Variants in TSHZ3 observed in about 807,000 individuals in gnomAD.
TSHZ3 encodes the protein teashirt homolog 3.
Under a neutral mutation model 64.5 loss-of-function variants are expected in TSHZ3, and 10 were observed. That is an observed-to-expected ratio of 0.16 (90% CI 0.10 to 0.26). The LOEUF (loss-of-function observed/expected upper bound fraction) is 0.26, where lower values mean the gene tolerates loss of function less well. TSHZ3 is among the 10% of genes least tolerant of loss of function. The pLI is 1.00. For missense variants in TSHZ3, 1,242 were observed against 1,421.7 expected (o/e 0.87, Z 2.03); for synonymous variants, 608 against 593.1 (o/e 1.03, Z -0.36).
intron 3 of TSHZ3, among the ~76,000 whole-genome samples, chr19:31,232,178 G>C (rs887380149): frequency 6.6e-6 from 1 of 152,110 alleles, no homozygotes; most frequent in African/African-American, 2.4e-5. Context: ...GAATGTGGTG[G>C]GTTCTCTCCA....
At chr19:31,308,921 G>A (rs879565325) in intron 1 of TSHZ3, among the ~76,000 whole-genome samples, 18 of 152,202 alleles carry the variant, frequency 1.2e-4, no homozygotes, top group Non-Finnish European at 2.2e-4. Context: ...CAGATTCCAC[G>A]CCGCCTAACT....
chr19:31,312,675 G>C (rs892031932), intron 1 of TSHZ3, among the ~76,000 whole-genome samples: 1 of 152,148 alleles, frequency 6.6e-6, no homozygotes, highest in Non-Finnish European at 1.5e-5. Flanking sequence ...GAGTTCCACC[G>C]GTGGTACAAG....
At chr19:31,225,610 C>G (rs1975448969) in intron 4 of TSHZ3, among the ~76,000 whole-genome samples, 1 of 152,186 alleles carries the variant, frequency 6.6e-6, no homozygotes, top group Non-Finnish European at 1.5e-5. Context: ...ATCTGCACCT[C>G]CCCATCCTCC....
chr19:31,273,442 G>A (rs1423858908), downstream of TSHZ3, among the ~76,000 whole-genome samples: 1 of 152,172 alleles, frequency 6.6e-6, no homozygotes, highest in African/African-American at 2.4e-5. Context: ...GGGGTGAGGA[G>A]ATGGGCAAAG....
At chr19:31,314,186 G>A (rs983054914) in intron 1 of TSHZ3, among the ~76,000 whole-genome samples, 5 of 152,172 alleles carry the variant, frequency 3.3e-5, no homozygotes, top group Non-Finnish European at 5.9e-5. Context: ...CGGCTTCTAA[G>A]GCCAGGACTA....
intron 1 of TSHZ3, among the ~76,000 whole-genome samples, chr19:31,243,278 A>G (rs1975719866): frequency 6.6e-6 from 1 of 152,130 alleles, no homozygotes; most frequent in African/African-American, 2.4e-5. Flanking sequence ...ACAACCCCAA[A>G]TTCCTTAGTC....
chr19:31,212,265 G>A (rs1975266900), intron 4 of TSHZ3, among the ~76,000 whole-genome samples: 2 of 151,968 alleles, frequency 1.3e-5, no homozygotes, highest in South Asian at 4.1e-4. Context: ...AGACCAGTCT[G>A]GCCAATATGG....
chr19:31,348,832 G>T (rs1030118167), intron 1 of TSHZ3: 2 of 267,042 alleles, frequency 7.5e-6, no homozygotes, highest in African/African-American at 4.4e-5. Context: ...ATGTCCCGGG[G>T]AACTCAGGTG....
intron 5 of TSHZ3, among the ~76,000 whole-genome samples, chr19:31,199,076 T>C (rs2145147498): frequency 6.6e-6 from 1 of 152,000 alleles, no homozygotes; most frequent in South Asian, 2.1e-4. Context: ...GACAAGGCAG[T>C]GGAACAGAAT....
chr19:31,182,686 A>T (rs1436956108), intron 5 of TSHZ3, among the ~76,000 whole-genome samples: 2 of 152,190 alleles, frequency 1.3e-5, no homozygotes, highest in Non-Finnish European at 2.9e-5. Flanking sequence ...TCCTTTGCAG[A>T]TAGAAGTGTA....
intron 5 of TSHZ3, among the ~76,000 whole-genome samples, chr19:31,197,449 A>G (rs1293729839): frequency 6.6e-6 from 1 of 151,778 alleles, no homozygotes; most frequent in African/African-American, 2.4e-5. Flanking sequence ...GAGAAGAAAA[A>G]AATGAAAATT....
exon 7 of TSHZ3, among the ~76,000 whole-genome samples, chr19:31,151,525 T>C (rs1285261237): frequency 6.6e-6 from 1 of 152,156 alleles, no homozygotes; most frequent in Admixed American, 6.6e-5. Flanking sequence ...ATAGGATGGT[T>C]GAGGGAGGAG....
Position 31,278,222 on chromosome 19 carries a change from T to C in TSHZ3, c.1571A>G (p.Lys524Arg), listed in dbSNP as rs762644590. Residue 524 changes from lysine (K) to arginine (R), a missense_variant, in exon 2 of 2, where the codon AAA (lysine) becomes AGA (arginine). Transcript: ENST00000240587. This position sits in a 1 kb window ranked among gnomAD's most constrained non-coding sequence, Gnocchi z 4.7. ...ESPKGGLDIL[K>R]SLENTVTSAI... is the part of the protein sequence containing the mutation. Reference sequence around the variant, plus strand: ...GGATGTCACTGTGTTTTCCAAGGATTTGAGGATATCAAGCCCCCCCTTGGG... The same window carrying C: ...GGATGTCACTGTGTTTTCCAAGGATCTGAGGATATCAAGCCCCCCCTTGGG... The C allele has an allele frequency of 3.1e-6, 5 of 1,614,152 alleles. No individual in the cohort carries two copies. The highest frequency in any genetic ancestry group is 1.1e-5 in the South Asian group (1 of 91,080).
intron 4 of TSHZ3, among the ~76,000 whole-genome samples, chr19:31,227,093 C>T (rs1975476924): frequency 6.7e-6 from 1 of 149,602 alleles, no homozygotes; most frequent in Non-Finnish European, 1.5e-5. Flanking sequence ...ATTCTTGTGC[C>T]TCAGCCTCTC....
intron 1 of TSHZ3, among the ~76,000 whole-genome samples, chr19:31,263,521 CT>C (rs1260596864): frequency 2.6e-5 from 4 of 152,242 alleles, no homozygotes; most frequent in African/African-American, 9.6e-5. Flanking sequence ...TGCCCCCGTC[CT>C]GCTGGTCAGG....
At chr19:31,285,912 G>A (rs1328718833) in intron 1 of TSHZ3, among the ~76,000 whole-genome samples, 1 of 151,998 alleles carries the variant, frequency 6.6e-6, no homozygotes, top group Non-Finnish European at 1.5e-5. Flanking sequence ...CAGCTCCCAT[G>A]GAGGAGGCAG....
intron 1 of TSHZ3, among the ~76,000 whole-genome samples, chr19:31,243,237 AT>A (rs928971593): frequency 3.4e-4 from 51 of 152,036 alleles, no homozygotes; most frequent in African/African-American, 1.2e-3. Context: ...TCATTGATGG[AT>A]TTTTTTTCTC....
At chr19:31,209,065 C>T (rs975244529) in intron 4 of TSHZ3, among the ~76,000 whole-genome samples, 5 of 152,228 alleles carry the variant, frequency 3.3e-5, no homozygotes, top group South Asian at 4.2e-4. Context: ...GTTTGCCAGA[C>T]GCCAGGTCCA....
chr19:31,201,211 TTAA>T (rs1261540993), intron 5 of TSHZ3, among the ~76,000 whole-genome samples: 4 of 152,192 alleles, frequency 2.6e-5, no homozygotes, highest in Non-Finnish European at 5.9e-5. Context: ...CATTTGATTT[TTAA>T]TAATGGTTAA....
Sources: gnomAD v4.1 joint callset for allele counts (sites outside exome capture counted in the v4.1 genomes callset) on GRCh38, gnomAD v4.1.1 for gene constraint, Gnocchi (gnomAD v3.1) non-coding constraint, MANE v1.5 for transcripts, NCBI Gene and HGNC (gene_info 2026-07-23, HGNC 2026-07-21) for gene names.